The following CHN1 variants were observed in gnomAD, a reference collection of about 807,000 sequenced individuals.
The protein encoded by CHN1 is N-chimaerin.
CHN1 carries 37 observed loss-of-function variants against 59.5 expected under a neutral mutation model. That is an observed-to-expected ratio of 0.62 (90% confidence interval 0.48 to 0.82). CHN1 has a LOEUF of 0.82. Among genes scored for constraint, CHN1 ranks in the 40% least tolerant of loss-of-function variants. The probability of loss-of-function intolerance (pLI) is 0.00; values close to 1 mark genes in which losing one functional copy is unlikely to be tolerated. For synonymous variants in CHN1, 206 were observed against 200.4 expected (o/e 1.03, Z -0.24); for missense variants, 469 against 571.0 (o/e 0.82, Z 1.82).
chr2:174,925,225 G>C (rs531263479), intron 3 of CHN1, among the ~76,000 whole-genome samples: 1 of 151,998 alleles, frequency 6.6e-6, no homozygotes, highest in East Asian at 1.9e-4. Context: ...TCATACCCCC[G>C]CCTTTTGGTG....
At chr2:174,976,468 A>C (rs1690945433) in intron 1 of CHN1, among the ~76,000 whole-genome samples, 1 of 151,958 alleles carries the variant, frequency 6.6e-6, no homozygotes, top group Non-Finnish European at 1.5e-5. Context: ...TGAACTCCTG[A>C]CCTCAGGTAA....
At chr2:174,976,307 G>A (rs1193706) in intron 1 of CHN1, among the ~76,000 whole-genome samples, 8 of 151,106 alleles carry the variant, frequency 5.3e-5, no homozygotes, top group Non-Finnish European at 1.2e-4. Context: ...GCACGATCTC[G>A]GCTCACTGCA....
intron 6 of CHN1, among the ~76,000 whole-genome samples, chr2:174,848,227 T>A (rs1418395149): frequency 6.6e-6 from 1 of 151,998 alleles, no homozygotes; most frequent in Non-Finnish European, 1.5e-5. Context: ...ATTTTTTTTA[T>A]TCAGAGAGCT....
Position 175,005,023 on chromosome 2 carries a change from G to A in CHN1, c.-111C>T, listed in dbSNP as rs1692019084. On this transcript the variant is annotated 5_prime_UTR_variant, in exon 1 of 13. Transcript: ENST00000409900. ...CCTCGGAGAGAGTGGGGTGCCCGAT[G>A]GGGCGTGCTGGGGGCGCCGGCGCCC... 2 of 1,437,194 alleles carry A rather than the reference G, an allele frequency of 1.4e-6. No homozygotes were observed. Among genetic ancestry groups the A allele is most frequent in the Non-Finnish European group, 1.8e-6 (2 of 1,094,736 alleles). The allele number at this position is 1,437,194 out of a possible 1,614,324, so 89.0% of individuals were successfully genotyped here. A position where few individuals can be genotyped will look rare whatever the true frequency, so the allele number is the denominator to read the frequency against.
chr2:174,918,504 A>G (rs777951963), intron 4 of CHN1, 30 bp downstream of exon 4: 13 of 1,542,708 alleles, frequency 8.4e-6, no homozygotes, highest in Non-Finnish European at 1.1e-5. Context: ...ATGCCAATCT[A>G]TAAAACGTTT....
intron 5 of CHN1, among the ~76,000 whole-genome samples, chr2:174,884,874 G>A (rs558863444): frequency 6.6e-6 from 1 of 152,162 alleles, no homozygotes; most frequent in Admixed American, 6.5e-5. Flanking sequence ...CCAGAGACTG[G>A]CATAGTACTT....
intron 3 of CHN1, among the ~76,000 whole-genome samples, chr2:174,943,980 A>G (rs903244065): frequency 2.0e-5 from 3 of 152,070 alleles, no homozygotes; most frequent in African/African-American, 4.8e-5. Context: ...TTTATTTTCT[A>G]TTCTTTCATA....
chr2:174,917,910 A>G (rs1002358957), intron 4 of CHN1, among the ~76,000 whole-genome samples: 2 of 152,148 alleles, frequency 1.3e-5, no homozygotes, highest in Non-Finnish European at 2.9e-5. Flanking sequence ...AACCTGAAAA[A>G]TTAAGGACTT....
chr2:174,888,275 T>C (rs1466869821), intron 5 of CHN1, among the ~76,000 whole-genome samples: 1 of 152,190 alleles, frequency 6.6e-6, no homozygotes, highest in Non-Finnish European at 1.5e-5. Context: ...GAAAGGTCAA[T>C]CTGCATCTTG....
chr2:174,868,348 G>A (rs536399038), intron 6 of CHN1, among the ~76,000 whole-genome samples: 11 of 151,956 alleles, frequency 7.2e-5, no homozygotes, highest in East Asian at 3.9e-4. Flanking sequence ...ATAGATTCCC[G>A]GTGCTCCCAG....
In CHN1 at chr2:174,814,029, A is replaced by C. The variant is rs368290241; in HGVS notation, c.713-1547T>G. On this transcript the variant is annotated intron_variant, in intron 8 of 12. Coordinates refer to ENST00000409900, the MANE Select transcript of CHN1 (RefSeq NM_001822.7). ...ACAGAGACAAGGAAAATTAGCCAAA[A>C]CTTACAAACAACATCATTGTTTCAT... is the stretch of plus-strand genomic sequence containing the variant. Among the ~76,000 whole-genome samples the C allele has an allele frequency of 1.7e-4, 26 of 152,282 alleles. No individual in the cohort carries two copies. In the East Asian group the frequency reaches 3.1e-3, roughly 18 times the overall value.
chr2:174,822,741 C>A (rs927205733), intron 8 of CHN1, among the ~76,000 whole-genome samples: 2 of 152,226 alleles, frequency 1.3e-5, no homozygotes, highest in African/African-American at 4.8e-5. Flanking sequence ...TCAACACTTT[C>A]CATTCTACTG....
chr2:174,855,570 C>T (rs1357843644), intron 6 of CHN1, among the ~76,000 whole-genome samples: 4 of 152,048 alleles, frequency 2.6e-5, no homozygotes, highest in Non-Finnish European at 5.9e-5. Context: ...AATATGTAAC[C>T]TATTTTTTCT....
chr2:174,991,142 A>C (rs59785300), intron 1 of CHN1, among the ~76,000 whole-genome samples: 46,092 of 152,086 alleles, frequency 0.3, 8,134 homozygotes, highest in Admixed American at 0.44. Flanking sequence ...TTCAAAACAC[A>C]AGCTAGTTTT....
At chr2:174,809,098 T>C in intron 10 of CHN1, 56 bp from the exon 11 acceptor site, 1 of 1,458,460 alleles carries the variant, frequency 6.9e-7, no homozygotes, top group South Asian at 1.3e-5. Flanking sequence ...AGCACTGTTT[T>C]AATGAATGAC....
At chr2:174,987,185 T>C (rs953005595) in intron 1 of CHN1, among the ~76,000 whole-genome samples, 2 of 152,176 alleles carry the variant, frequency 1.3e-5, no homozygotes, top group African/African-American at 4.8e-5. Context: ...TAGTAAAGTT[T>C]TGGGGAAGTC....
rs144859741 is a variant in CHN1, at chr2:174,987,225, G to A, written c.19+17669C>T. On this transcript the variant is annotated intron_variant, in intron 1 of 12. Transcript: ENST00000409900. The stretch of plus-strand genomic sequence containing the variant: ...ACGTGGATTTTTGACAGACTAGGCG[G>A]GGCAGGGGGCAGGGGATATCTGCCC... Among the ~76,000 whole-genome samples, 510 of 152,178 alleles carry A rather than the reference G, an allele frequency of 3.4e-3. 2 individuals are homozygous for A. The highest frequency in any genetic ancestry group is 5.9e-3 in the Non-Finnish European group (403 of 68,010).
At chr2:174,858,822 G>C (rs757839281) in intron 6 of CHN1, among the ~76,000 whole-genome samples, 2 of 151,898 alleles carry the variant, frequency 1.3e-5, no homozygotes, top group African/African-American at 2.4e-5. Flanking sequence ...ATCTGTACAA[G>C]GTCCACATGT....
chr2:174,824,890 G>A (rs1254279482), intron 7 of CHN1, among the ~76,000 whole-genome samples: 1 of 152,174 alleles, frequency 6.6e-6, no homozygotes, highest in African/African-American at 2.4e-5. Flanking sequence ...GATTACAGGT[G>A]TGAGCCACTG....
Sources: gnomAD v4.1 joint callset for allele counts (sites outside exome capture counted in the v4.1 genomes callset) on GRCh38, gnomAD v4.1.1 for gene constraint, MANE v1.5 for transcripts, NCBI Gene and HGNC (gene_info 2026-07-23, HGNC 2026-07-21) for gene names.